PYROXD1: variants seen among roughly 807,000 people sequenced by gnomAD.
PYROXD1 encodes the protein pyridine nucleotide-disulphide oxidoreductase domain 1.
PYROXD1 carries 42 observed loss-of-function variants against 62.0 expected under a neutral mutation model. The ratio of observed to expected loss-of-function variants is 0.68; its 90% confidence interval spans 0.53 to 0.88. The LOEUF is 0.88. Ranked by LOEUF, PYROXD1 falls within the 40% of genes least tolerant of loss-of-function variation. The pLI is 0.00. For synonymous variants in PYROXD1, 170 were observed against 206.4 expected, an observed-to-expected ratio of 0.82 and a Z score of 1.51; for missense variants, 493 against 604.8, an observed-to-expected ratio of 0.82 and a Z score of 1.94.
Position 21,463,867 on chromosome 12 carries a change from C to A in PYROXD1, c.1116+1005C>A, listed in dbSNP as rs116888197. ...CAGAGGTGTGCAGAGGGGTAGAGACCTAGGTAGATGTTTGAAATAAAGGAA... is the reference window on the plus strand; with the variant it reads ...CAGAGGTGTGCAGAGGGGTAGAGACATAGGTAGATGTTTGAAATAAAGGAA... On this transcript the variant is annotated intron_variant, in intron 10 of 11. Transcript: ENST00000240651. 3.5e-3 allele frequency among the ~76,000 whole-genome samples: 538 copies of A among 152,132 alleles called. 2 individuals are homozygous for A. The highest frequency in any genetic ancestry group is 6.0e-3 in the Non-Finnish European group (408 of 68,004).
intron 10 of PYROXD1, among the ~76,000 whole-genome samples, chr12:21,467,076 TAAG>T (rs2137291438): frequency 6.6e-6 from 1 of 152,218 alleles, no homozygotes; most frequent in African/African-American, 2.4e-5. Context: ...CAGCAGACCT[TAAG>T]TAGTGCATAA....
intron 2 of PYROXD1, among the ~76,000 whole-genome samples, chr12:21,441,610 AGAATTTC>A (rs1341914474): frequency 6.6e-6 from 1 of 152,052 alleles, no homozygotes; most frequent in Admixed American, 6.5e-5. Context: ...TTTCATCGTC[AGAATTTC>A]TGCTTTAGTT....
At chr12:21,466,455 T>C (rs936076839) in intron 10 of PYROXD1, among the ~76,000 whole-genome samples, 20 of 152,156 alleles carry the variant, frequency 1.3e-4, no homozygotes, top group Admixed American at 3.9e-4. Context: ...CACTCATGAT[T>C]TGGCTCTGTT....
Position 21,470,413 on chromosome 12 carries a change from A to AGAT in PYROXD1, c.*1660_*1662dup. ...AATCCAGCTATTCAGTTTTCTCATG[A>AGAT]GATTAAATATTTCAAAATATTCTTT... On this transcript the variant is annotated 3_prime_UTR_variant, in exon 12 of 12. Transcript: ENST00000240651. 1 of 1,446,124 alleles carries AGAT rather than the reference A, an allele frequency of 6.9e-7. No individual in the cohort carries two copies. The highest frequency in any genetic ancestry group is 9.1e-7 in the Non-Finnish European group (1 of 1,099,100). 89.6% of individuals were successfully genotyped at this position (1,446,124 alleles called of 1,614,324 possible). A position where few individuals can be genotyped will look rare whatever the true frequency, so the allele number is the denominator to read the frequency against.
At position 21,467,038 on chromosome 12, in the gene PYROXD1, G is replaced by A. The variant is rs1222166546; in HGVS notation, c.1117-443G>A. On this transcript the variant is annotated intron_variant, in intron 10 of 11. Transcript: ENST00000240651. The stretch of plus-strand genomic sequence containing the variant: ...ATGTTGTCTTGGTGAGGCACCAAGA[G>A]TCTGTCTAACCACTGAGGTTAACAG... Among the ~76,000 whole-genome samples, 14 of 152,122 alleles carry A rather than the reference G, an allele frequency of 9.2e-5. 1 individual carries two copies. The highest frequency in any genetic ancestry group is 7.9e-4 in the Admixed American group (12 of 15,238).
rs772910152 is a variant in PYROXD1 at position 21,468,688 on chromosome 12, G to C, written c.1437G>C (p.Met479Ile). 1 of 1,611,288 alleles carries C rather than the reference G, an allele frequency of 6.2e-7. No homozygotes were observed. The highest frequency in any genetic ancestry group is 8.5e-7 in the Non-Finnish European group (1 of 1,178,396). Residue 479 changes from methionine to isoleucine, a missense_variant, in exon 12 of 12, where the codon ATG (methionine) becomes ATC (isoleucine). By Grantham distance (10) the Met-to-Ile change is conservative. Coordinates refer to ENST00000240651, the MANE Select transcript of PYROXD1 (RefSeq NM_024854.5). ...ETFENLILNQ[M>I]NLSSYGEDLL... is the part of the protein sequence containing the mutation. The stretch of plus-strand genomic sequence containing the variant: ...TTGAAAACCTAATCTTAAACCAAAT[G>C]AATCTTTCATCATATGGAGAAGATC...
At chr12:21,464,517 A>G (rs1345603582) in intron 10 of PYROXD1, among the ~76,000 whole-genome samples, 1 of 152,162 alleles carries the variant, frequency 6.6e-6, no homozygotes, top group Non-Finnish European at 1.5e-5. Context: ...TTCTGCAAAC[A>G]AAAGACAGCA....
At position 21,443,151 on chromosome 12, in the gene PYROXD1, C is replaced by T. The variant is rs531034612; in HGVS notation, c.166-2196C>T. 1.6e-4 allele frequency among the ~76,000 whole-genome samples: 25 copies of T among 152,088 alleles called. No homozygotes were observed. The South Asian group carries it at 4.1e-3, about 25-fold the overall frequency. On this transcript the variant is annotated intron_variant, in intron 2 of 11. Coordinates refer to ENST00000240651, the MANE Select transcript of PYROXD1 (RefSeq NM_024854.5). ...TTTTGAGAGTTATTTTAAAAAAGCTCGAGTTGAGAATTATTCAGATAGAAT... is the reference window on the plus strand; with the variant it reads ...TTTTGAGAGTTATTTTAAAAAAGCTTGAGTTGAGAATTATTCAGATAGAAT...
intron 1 of PYROXD1, chr12:21,438,089 A>G (rs1942225921): frequency 2.1e-6 from 1 of 471,408 alleles, no homozygotes. Context: ...ATGTCAGAGC[A>G]GACATGAGGA....
At chr12:21,458,163 TTAGTG>T (rs1348347634) in intron 7 of PYROXD1, among the ~76,000 whole-genome samples, 3 of 152,194 alleles carry the variant, frequency 2.0e-5, no homozygotes, top group African/African-American at 4.8e-5. Flanking sequence ...AATCTACTGT[TTAGTG>T]TAGCCACATT....
Position 21,456,061 on chromosome 12 carries a change from G to C in PYROXD1, c.716G>C (p.Trp239Ser). 1.2e-6 allele frequency: 2 copies of C among 1,610,600 alleles called. No individual in the cohort carries two copies. Among genetic ancestry groups the C allele is most frequent in the Non-Finnish European group, 1.7e-6 (2 of 1,177,954 alleles). ...DNVGSALGPD[W>S]HEGLNLKGTK... is the part of the protein sequence containing the mutation. ...GTAGGAAGTGCATTGGGACCAGATT[G>C]GCATGAAGGCTTGAATCTTAAAGGA... The change falls in exon 7 of 12, where the codon TGG becomes TCG. Residue 239 changes from tryptophan to serine, a missense_variant. By Grantham distance (177) the Trp-to-Ser change is radical. This residue lies in a region of PYROXD1 where 329 missense variants were observed against 446.6 expected (regional missense o/e 0.74). Coordinates refer to ENST00000240651, the MANE Select transcript of PYROXD1 (RefSeq NM_024854.5).
intron 4 of PYROXD1, 65 bp from the exon 5 acceptor site, chr12:21,452,016 C>A: frequency 1.1e-6 from 1 of 911,468 alleles, no homozygotes; most frequent in South Asian, 1.6e-5. Context: ...ATTATCGAAG[C>A]CTCATATTTC....
At chr12:21,466,940 A>G (rs1942805144) in intron 10 of PYROXD1, among the ~76,000 whole-genome samples, 1 of 152,176 alleles carries the variant, frequency 6.6e-6, no homozygotes, top group Admixed American at 6.5e-5. Context: ...TAAAATAAAA[A>G]TACAATAGAT....
intron 2 of PYROXD1, among the ~76,000 whole-genome samples, chr12:21,442,764 C>T (rs559934827): frequency 1.7e-4 from 26 of 152,348 alleles, no homozygotes; most frequent in East Asian, 7.7e-4. Flanking sequence ...CTCACAGTAG[C>T]AAGGGATGCC....
chr12:21,447,841 TAGCC>T, intron 3 of PYROXD1: 1 of 171,358 alleles, frequency 5.8e-6, no homozygotes, highest in South Asian at 1.8e-4. Context: ...AAAAAAAAAT[TAGCC>T]AGGCGTGGGG....
Position 21,470,122 on chromosome 12 carries a change from T to C in PYROXD1, c.*1368T>C. The stretch of plus-strand genomic sequence containing the variant: ...TCTATGAAATTCTTTTAAAAACTAT[T>C]GTCTAACTACAAAAATAATGGCATA... On this transcript the variant is annotated 3_prime_UTR_variant, in exon 12 of 12. Coordinates refer to ENST00000240651, the MANE Select transcript of PYROXD1 (RefSeq NM_024854.5). 2 of 1,519,138 alleles carry C rather than the reference T, an allele frequency of 1.3e-6. No individual in the cohort carries two copies. The highest frequency in any genetic ancestry group is 2.8e-5 in the African/African-American group (2 of 71,518). The allele number at this position is 1,519,138 out of a possible 1,614,324, so 94.1% of individuals were successfully genotyped here. A position where few individuals can be genotyped will look rare whatever the true frequency, so the allele number is the denominator to read the frequency against.
chr12:21,438,221 A>G (rs2137233516), intron 1 of PYROXD1: 1 of 160,270 alleles, frequency 6.2e-6, no homozygotes, highest in South Asian at 1.8e-4. Flanking sequence ...GCTTAATGCA[A>G]GCTTTGCCTC....
intron 2 of PYROXD1, among the ~76,000 whole-genome samples, chr12:21,442,244 G>A (rs928168384): frequency 5.9e-5 from 9 of 152,174 alleles, no homozygotes; most frequent in African/African-American, 9.7e-5. Flanking sequence ...AGGCATACAC[G>A]GAGGAATTAA....
intron 5 of PYROXD1, 104 bp downstream of exon 5, chr12:21,452,258 G>A (rs1942514884): frequency 6.6e-6 from 5 of 758,466 alleles, no homozygotes; most frequent in South Asian, 3.6e-5. Context: ...TTGGCAGACT[G>A]GAAAATGTTT....
Sources: gnomAD v4.1 joint callset for allele counts (sites outside exome capture counted in the v4.1 genomes callset) on GRCh38, gnomAD v4.1.1 for gene constraint, gnomAD v4.1.1 regional missense constraint, MANE v1.5 for transcripts, NCBI Gene and HGNC (gene_info 2026-07-23, HGNC 2026-07-21) for gene names.